The following HECTD4 variants were observed in gnomAD, a reference collection of about 807,000 sequenced individuals.
HECTD4 encodes HECT domain E3 ubiquitin protein ligase 4, also known as probable E3 ubiquitin-protein ligase HECTD4.
HECTD4 carries 114 observed loss-of-function variants against 471.5 expected under a neutral mutation model. That is an observed-to-expected ratio of 0.24 (90% CI 0.21 to 0.28). HECTD4 has a LOEUF of 0.28. Ranked by LOEUF, HECTD4 falls within the 10% of genes least tolerant of loss-of-function variation. The pLI is 1.00. For missense variants in HECTD4, 3,866 were observed against 5,651.5 expected (o/e 0.68, Z 10.13); for synonymous variants, 2,012 against 2,256.0 (o/e 0.89, Z 3.07).
At chr12:112,326,968 A>C (rs1412357841) in intron 1 of HECTD4, among the ~76,000 whole-genome samples, 1 of 152,234 alleles carries the variant, frequency 6.6e-6, no homozygotes, top group Non-Finnish European at 1.5e-5. Context: ...TAAGAAATAC[A>C]CAGAGATATT....
Position 112,213,244 on chromosome 12 carries a change from G to T in HECTD4, c.7466-594C>A, listed in dbSNP as rs73423216. Among the ~76,000 whole-genome samples, 2,149 of 152,016 alleles carry T rather than the reference G, an allele frequency of 0.014. 54 individuals carry two copies. The highest frequency in any genetic ancestry group is 0.048 in the African/African-American group (1,997 of 41,452). ...AATTTAGCCTTTATTTTCCTGGCAG[G>T]CAAGAAAAAAATGAAAAACACTAGG... is the stretch of plus-strand genomic sequence containing the variant. On this transcript the variant is annotated intron_variant, in intron 48 of 75. Coordinates refer to ENST00000682272, the MANE Select transcript of HECTD4 (RefSeq NM_001388303.1). The surrounding 1 kb of genome is among the most constrained non-coding windows in gnomAD (Gnocchi z 4.0).
At chr12:112,244,097 T>C (rs2033703313) in intron 29 of HECTD4, 88 bp from the exon 30 acceptor site, 1 of 1,351,842 alleles carries the variant, frequency 7.4e-7, no homozygotes, top group South Asian at 1.4e-5. Flanking sequence ...AGTCTAAGTG[T>C]ATCTTTGCTT....
At chr12:112,275,106 A>C in intron 9 of HECTD4, 146 bp from the exon 10 acceptor site, 1 of 541,338 alleles carries the variant, frequency 1.8e-6, no homozygotes. Flanking sequence ...AGAGATGGAG[A>C]ATACATGCAT....
intron 37 of HECTD4, among the ~76,000 whole-genome samples, chr12:112,233,431 C>T (rs1302150067): frequency 6.6e-6 from 1 of 151,778 alleles, no homozygotes; most frequent in Non-Finnish European, 1.5e-5. Flanking sequence ...CTATGTTGCC[C>T]AGGCTGGTCT....
In HECTD4 at chr12:112,243,655, G is replaced by A; in HGVS notation, c.4756C>T (p.Leu1586=). 6 of 1,612,586 alleles carry A rather than the reference G, an allele frequency of 3.7e-6. No individual in the cohort carries two copies. The highest frequency in any genetic ancestry group is 5.1e-6 in the Non-Finnish European group (6 of 1,179,226). The part of the protein sequence containing the change: ...KPTYSVLLGQ[L]FAFIGTNPDQ... Reference sequence around the variant, plus strand: ...GGGTTGGTGCCGATGAAAGCAAACAGCTGCCCTAGCAGGACACTGTAGGTG... The same window carrying A: ...GGGTTGGTGCCGATGAAAGCAAACAACTGCCCTAGCAGGACACTGTAGGTG... The change falls in exon 31 of 76, where the codon CTG becomes TTG. Residue 1586 remains leucine, a synonymous_variant. Coordinates refer to ENST00000682272, the MANE Select transcript of HECTD4 (RefSeq NM_001388303.1). This position sits in a 1 kb window ranked among gnomAD's most constrained non-coding sequence, Gnocchi z 6.6.
intron 38 of HECTD4, among the ~76,000 whole-genome samples, chr12:112,232,360 C>A (rs1418698530): frequency 1.3e-5 from 2 of 152,194 alleles, no homozygotes; most frequent in Non-Finnish European, 2.9e-5. Context: ...AAACTCCTGA[C>A]CTCAGGTGAT....
At chr12:112,340,412 C>T (rs2036034549) in intron 1 of HECTD4, among the ~76,000 whole-genome samples, 1 of 146,332 alleles carries the variant, frequency 6.8e-6, no homozygotes, top group Admixed American at 6.6e-5. Context: ...GGAGCTATTG[C>T]TTGTCTGGGA....
At chr12:112,263,471 C>T (rs980643218) in intron 17 of HECTD4, among the ~76,000 whole-genome samples, 13 of 151,974 alleles carry the variant, frequency 8.6e-5, no homozygotes, top group Non-Finnish European at 1.8e-4. Flanking sequence ...ATTATAACAA[C>T]CATGGCTATA....
At chr12:112,220,440 AG>A (rs1292944835) in intron 44 of HECTD4, among the ~76,000 whole-genome samples, 3 of 152,190 alleles carry the variant, frequency 2.0e-5, no homozygotes, top group Non-Finnish European at 2.9e-5. Flanking sequence ...GCAGAGGCAC[AG>A]GTGAATGAGC....
At chr12:112,244,067 G>A (rs768308259) in intron 29 of HECTD4, 58 bp from the exon 30 acceptor site, 2 of 1,568,468 alleles carry the variant, frequency 1.3e-6, no homozygotes, top group Non-Finnish European at 1.7e-6. Flanking sequence ...ACAGCCAAAT[G>A]CAACACAGAA....
At chr12:112,299,123 G>A (rs960309286) in intron 7 of HECTD4, among the ~76,000 whole-genome samples, 2 of 152,116 alleles carry the variant, frequency 1.3e-5, no homozygotes, top group African/African-American at 4.8e-5. Flanking sequence ...ATAGTACAAT[G>A]AGCCTCCATG....
intron 5 of HECTD4, 88 bp downstream of exon 5, chr12:112,309,473 G>A: frequency 1.6e-6 from 1 of 619,320 alleles, no homozygotes; most frequent in Non-Finnish European, 2.8e-6. Flanking sequence ...ATGGGGAGCT[G>A]GAATCTACCC....
intron 55 of HECTD4, among the ~76,000 whole-genome samples, chr12:112,195,753 T>C (rs966807811): frequency 2.6e-5 from 4 of 152,202 alleles, no homozygotes; most frequent in African/African-American, 7.2e-5. Flanking sequence ...TTGCATGGTA[T>C]GTAAATTATA....
chr12:112,219,299 A>C, intron 45 of HECTD4, 87 bp downstream of exon 45: 1 of 928,018 alleles, frequency 1.1e-6, no homozygotes, highest in Non-Finnish European at 1.6e-6. Flanking sequence ...GCAAACACTT[A>C]TTCTAAATGT....
At chr12:112,285,750 G>A (rs1046918567) in intron 7 of HECTD4, among the ~76,000 whole-genome samples, 1 of 151,690 alleles carries the variant, frequency 6.6e-6, no homozygotes, top group Non-Finnish European at 1.5e-5. Flanking sequence ...TTGCTACTAC[G>A]ATCTAGTTCC....
At chr12:112,262,494 C>A (rs545782415) in intron 17 of HECTD4, among the ~76,000 whole-genome samples, 2 of 95,444 alleles carry the variant, frequency 2.1e-5, no homozygotes, top group African/African-American at 9.5e-5. Context: ...CCAGCCTGGG[C>A]GACAAAGAGA....
chr12:112,170,830 G>A, intron 68 of HECTD4: 1 of 467,284 alleles, frequency 2.1e-6, no homozygotes, highest in Non-Finnish European at 3.8e-6. Context: ...TGGGATGTAG[G>A]GATGTGGAGG....
chr12:112,183,841 T>C (rs905367604), intron 61 of HECTD4, among the ~76,000 whole-genome samples: 4 of 152,200 alleles, frequency 2.6e-5, no homozygotes, highest in African/African-American at 9.7e-5. Context: ...CTCATGCTGC[T>C]CAGTGACCAT....
At position 112,372,251 on chromosome 12, in the gene HECTD4, C is replaced by G. The variant is rs117739303; in HGVS notation, c.177+9701G>C. ...CCTCAGCCTCCCAAGTAGCCAACCACGCCCCGCTAATTTTTTTTATTTTTT... is the reference window on the plus strand; with the variant it reads ...CCTCAGCCTCCCAAGTAGCCAACCAGGCCCCGCTAATTTTTTTTATTTTTT... On this transcript the variant is annotated intron_variant, in intron 1 of 75. Coordinates refer to ENST00000682272, the MANE Select transcript of HECTD4 (RefSeq NM_001388303.1). Among the ~76,000 whole-genome samples, 198 of 151,344 alleles carry G rather than the reference C, an allele frequency of 1.3e-3. 1 individual carries two copies. In the East Asian group the frequency reaches 0.022, roughly 17 times the overall value.
Sources: gnomAD v4.1 joint callset for allele counts (sites outside exome capture counted in the v4.1 genomes callset) on GRCh38, gnomAD v4.1.1 for gene constraint, Gnocchi (gnomAD v3.1) non-coding constraint, MANE v1.5 for transcripts, NCBI Gene and HGNC (gene_info 2026-07-23, HGNC 2026-07-21) for gene names.